Variants in LAMA3 observed in about 807,000 individuals in gnomAD.
LAMA3 encodes the protein laminin subunit alpha-3.
LAMA3 carries 281 observed loss-of-function variants against 402.0 expected under a neutral mutation model. That is an observed-to-expected ratio of 0.70 (90% CI 0.63 to 0.77). LAMA3 has a LOEUF of 0.77. Ranked by LOEUF, LAMA3 falls within the 30% of genes least tolerant of loss-of-function variation. LAMA3 has a pLI of 0.00. For synonymous variants in LAMA3, 1,431 were observed against 1,558.4 expected (o/e 0.92, Z 1.93); for missense variants, 3,840 against 4,215.5 (o/e 0.91, Z 2.47).
chr18:23,791,650 C>T (rs2062656787), intron 12 of LAMA3, among the ~76,000 whole-genome samples: 1 of 148,756 alleles, frequency 6.7e-6, no homozygotes, highest in Non-Finnish European at 1.5e-5. Flanking sequence ...GGGAAAATCG[C>T]TTGAATCTGA....
At chr18:23,697,217 A>C (rs572855670) in intron 1 of LAMA3, among the ~76,000 whole-genome samples, 1 of 152,166 alleles carries the variant, frequency 6.6e-6, no homozygotes, top group Non-Finnish European at 1.5e-5. Context: ...GAGGGTGAGG[A>C]CTTCATCTTT....
intron 12 of LAMA3, among the ~76,000 whole-genome samples, chr18:23,803,457 C>T (rs755719423): frequency 2.6e-5 from 4 of 152,186 alleles, no homozygotes; most frequent in African/African-American, 4.8e-5. Context: ...CGGGTATCCA[C>T]AGAACAGATC....
At chr18:23,873,652 G>C (rs1326504034) in intron 38 of LAMA3, among the ~76,000 whole-genome samples, 1 of 152,142 alleles carries the variant, frequency 6.6e-6, no homozygotes, top group Non-Finnish European at 1.5e-5. Context: ...ATACCTAAAA[G>C]ACATGCTTCC....
At chr18:23,840,377 C>CTTTTTTTTTTT (rs201657216) in intron 27 of LAMA3, among the ~76,000 whole-genome samples, 1 of 79,514 alleles carries the variant, frequency 1.3e-5, no homozygotes, top group Non-Finnish European at 2.3e-5. Flanking sequence ...AAGAACCTTT[C>CTTTTTTTTTTT]TTTCTTTTTT....
intron 32 of LAMA3, among the ~76,000 whole-genome samples, chr18:23,850,590 T>C (rs2063921544): frequency 6.6e-6 from 1 of 152,240 alleles, no homozygotes; most frequent in African/African-American, 2.4e-5. Flanking sequence ...ACGGACTATA[T>C]TGTGTAATTA....
chr18:23,753,929 G>C (rs1171259684), intron 6 of LAMA3, 117 bp downstream of exon 6: 17 of 751,540 alleles, frequency 2.3e-5, no homozygotes, highest in Middle Eastern at 5.1e-4. Flanking sequence ...GAATGATTCA[G>C]GATCAATGAA....
chr18:23,828,461 T>C (rs960582493), intron 23 of LAMA3, among the ~76,000 whole-genome samples: 3 of 152,210 alleles, frequency 2.0e-5, no homozygotes, highest in Non-Finnish European at 4.4e-5. Flanking sequence ...CTAAGTTTGC[T>C]GTATCCCTCC....
rs74724255 is a variant in LAMA3, at chr18:23,928,027, A to G, written c.8178-96A>G. On this transcript the variant is annotated intron_variant, in intron 62 of 74. Coordinates refer to ENST00000313654, the MANE Select transcript of LAMA3 (RefSeq NM_198129.4). ...ATAAACATAAAACACCTACTCATTT[A>G]TGGGTGAAAAGTACTAAAGAGCACA... The G allele has an allele frequency of 1.4e-4, 119 of 860,962 alleles. No individual in the cohort carries two copies. In the East Asian group the frequency reaches 2.3e-3, roughly 17 times the overall value. The allele number at this position is 860,962 out of a possible 1,614,324, so 53.3% of individuals were successfully genotyped here. A position where few individuals can be genotyped will look rare whatever the true frequency, so the allele number is the denominator to read the frequency against.
intron 64 of LAMA3, among the ~76,000 whole-genome samples, chr18:23,929,317 A>G (rs1335775814): frequency 6.6e-6 from 1 of 152,252 alleles, no homozygotes; most frequent in Non-Finnish European, 1.5e-5. Flanking sequence ...ACTTAAGCAG[A>G]TTTAGCTAGT....
Position 23,909,438 on chromosome 18 carries a change from T to C in LAMA3, c.7158+143T>C, listed in dbSNP as rs1599067761. 3.2e-5 allele frequency: 25 copies of C among 792,782 alleles called. No individual in the cohort carries two copies. The South Asian group carries it at 3.3e-4, about 11-fold the overall frequency. 49.1% of individuals were successfully genotyped at this position (792,782 alleles called of 1,614,324 possible). Reference sequence around the variant, plus strand: ...TTCTTGTGTTGCTTGAATATAAAGATTGATTTTCTCCTGTCATCCTTTACA... The same window carrying C: ...TTCTTGTGTTGCTTGAATATAAAGACTGATTTTCTCCTGTCATCCTTTACA... On this transcript the variant is annotated intron_variant, in intron 55 of 74. Coordinates refer to ENST00000313654, the MANE Select transcript of LAMA3 (RefSeq NM_198129.4).
intron 67 of LAMA3, among the ~76,000 whole-genome samples, chr18:23,935,745 A>G (rs2082295358): frequency 6.6e-6 from 1 of 152,224 alleles, no homozygotes; most frequent in Admixed American, 6.5e-5. Flanking sequence ...TGCCTGGCAC[A>G]TAGTAAGTAT....
intron 46 of LAMA3, 24 bp from the exon 47 acceptor site, chr18:23,899,264 A>G (rs765667759): frequency 3.1e-6 from 5 of 1,609,874 alleles, no homozygotes; most frequent in Admixed American, 1.7e-5. Flanking sequence ...TTCCCAGTCT[A>G]ATAGACCACT....
intron 55 of LAMA3, among the ~76,000 whole-genome samples, chr18:23,911,191 G>A (rs973538777): frequency 6.6e-6 from 1 of 152,112 alleles, no homozygotes; most frequent in Non-Finnish European, 1.5e-5. Flanking sequence ...AAGGGCAGGG[G>A]GTGAGTAGGA....
In LAMA3 at chr18:23,852,889, C is replaced by G. The variant is rs923387146; in HGVS notation, c.4137-4955C>G. Reference sequence around the variant, plus strand: ...TCTCCAGTTGTGAAAGGGCTCCCTCCTCCTCTCCTACTACCCCCAAATTAT... The same window carrying G: ...TCTCCAGTTGTGAAAGGGCTCCCTCGTCCTCTCCTACTACCCCCAAATTAT... On this transcript the variant is annotated intron_variant, in intron 32 of 74. Coordinates refer to ENST00000313654, the MANE Select transcript of LAMA3 (RefSeq NM_198129.4). 4.6e-5 allele frequency among the ~76,000 whole-genome samples: 7 copies of G among 152,258 alleles called. No homozygotes were observed. In the East Asian group the frequency reaches 1.4e-3, roughly 29 times the overall value.
rs764322851 is a variant in LAMA3 at position 23,814,908 on chromosome 18, G to A, written c.1889-280G>A. ...TGCATGCATATCAGTAATGACCTCG[G>A]CATTGGAATCATTCAAAAATCCCAT... is the stretch of plus-strand genomic sequence containing the variant. On this transcript the variant is annotated intron_variant, in intron 15 of 74. Coordinates refer to ENST00000313654, the MANE Select transcript of LAMA3 (RefSeq NM_198129.4). Among the ~76,000 whole-genome samples the A allele has an allele frequency of 8.0e-4, 122 of 152,208 alleles. 1 individual carries two copies. Among genetic ancestry groups the A allele is most frequent in the Non-Finnish European group, 1.2e-3 (81 of 68,042 alleles).
chr18:23,748,769 T>C (rs2061696167), intron 3 of LAMA3, among the ~76,000 whole-genome samples: 1 of 150,430 alleles, frequency 6.6e-6, no homozygotes, highest in Non-Finnish European at 1.5e-5. Context: ...CACTCCAGCC[T>C]GGGTGACAGA....
At chr18:23,817,735 A>G (rs1446803474) in intron 18 of LAMA3, among the ~76,000 whole-genome samples, 3 of 152,058 alleles carry the variant, frequency 2.0e-5, no homozygotes, top group Non-Finnish European at 2.9e-5. Context: ...AAAAAAAGTC[A>G]GAGTAACCCA....
At chr18:23,952,192 T>C (rs1180101345) in intron 73 of LAMA3, among the ~76,000 whole-genome samples, 2 of 152,178 alleles carry the variant, frequency 1.3e-5, no homozygotes, top group Non-Finnish European at 2.9e-5. Flanking sequence ...TTCTGTAAAA[T>C]GGAAATAAAA....
intron 1 of LAMA3, chr18:23,710,099 C>T (rs2060962660): frequency 2.8e-6 from 2 of 725,864 alleles, no homozygotes; most frequent in African/African-American, 1.7e-5. Flanking sequence ...CCTGGGGGCG[C>T]TCTGCCGAGG....
Sources: gnomAD v4.1 joint callset for allele counts (sites outside exome capture counted in the v4.1 genomes callset) on GRCh38, gnomAD v4.1.1 for gene constraint, MANE v1.5 for transcripts, NCBI Gene and HGNC (gene_info 2026-07-23, HGNC 2026-07-21) for gene names.